CHAMP1: variants seen among roughly 807,000 people sequenced by gnomAD.
CHAMP1 encodes the protein chromosome alignment-maintaining phosphoprotein 1.
CHAMP1 carries 4 observed loss-of-function variants against 54.5 expected under a neutral mutation model. The ratio of observed to expected loss-of-function variants is 0.07; its 90% CI spans 0.04 to 0.17. CHAMP1 has a LOEUF of 0.17. Ranked by LOEUF, CHAMP1 falls within the 10% of genes least tolerant of loss-of-function variation. CHAMP1 has a pLI of 1.00. For missense variants in CHAMP1, 994 were observed against 968.6 expected (o/e 1.03, Z -0.35); for synonymous variants, 368 against 342.2 (o/e 1.08, Z -0.83).
chr13:114,324,402 C>T lies in CHAMP1; in HGVS notation c.560C>T (p.Pro187Leu). Residue 187 changes from proline (P) to leucine (L), a missense_variant, in exon 3 of 3, where the codon CCT (proline) becomes CTT (leucine). Around this residue, in one of 3 missense-constraint regions of CHAMP1, gnomAD observed 851 missense variants for 701.3 expected, o/e 1.21. Transcript: ENST00000361283. ...SKPASVSSPE[P>L]PKSVPVCESQ... ...CCTGCCTCTGTTTCTTCTCCTGAACCTCCAAAATCAGTCCCTGTTTGTGAG... is the reference window on the plus strand; with the variant it reads ...CCTGCCTCTGTTTCTTCTCCTGAACTTCCAAAATCAGTCCCTGTTTGTGAG... 1 of 1,614,180 alleles carries T rather than the reference C, an allele frequency of 6.2e-7. No individual in the cohort carries two copies. Among genetic ancestry groups the T allele is most frequent in the Non-Finnish European group, 8.5e-7 (1 of 1,180,030 alleles).
At chr13:114,317,136 G>A (rs554495855) in intron 1 of CHAMP1, among the ~76,000 whole-genome samples, 5 of 152,158 alleles carry the variant, frequency 3.3e-5, no homozygotes, top group African/African-American at 1.2e-4. Context: ...TCCTGCCTCA[G>A]CCTCCCAGGT....
chr13:114,326,482 A>C lies in CHAMP1; in HGVS notation c.*201A>C, dbSNP rs1366670795. 1.9e-6 allele frequency: 1 copy of C among 538,676 alleles called. No individual in the cohort carries two copies. The highest frequency in any genetic ancestry group is 5.0e-4 in the Middle Eastern group (1 of 1,996). The allele number at this position is 538,676 out of a possible 1,614,324, so 33.4% of individuals were successfully genotyped here. A position where few individuals can be genotyped will look rare whatever the true frequency, so the allele number is the denominator to read the frequency against. ...TATGTGACTATCTTGTAAGTCAATA[A>C]ATTTCTGTATAGTCCAGATGGATTA... is the stretch of plus-strand genomic sequence containing the variant. On this transcript the variant is annotated 3_prime_UTR_variant, in exon 3 of 3. Transcript: ENST00000361283.
chr13:114,317,715 T>C (rs1024353673), intron 1 of CHAMP1, among the ~76,000 whole-genome samples: 13 of 152,290 alleles, frequency 8.5e-5, no homozygotes, highest in African/African-American at 2.2e-4. Flanking sequence ...GTTCTACTTA[T>C]TGAATTTTAA....
chr13:114,315,396 A>C (rs1484960911), intron 1 of CHAMP1, among the ~76,000 whole-genome samples: 2 of 152,176 alleles, frequency 1.3e-5, no homozygotes, highest in Non-Finnish European at 2.9e-5. Context: ...CCAAAAATTG[A>C]CAGCAGAGAC....
intron 1 of CHAMP1, among the ~76,000 whole-genome samples, chr13:114,319,556 T>C (rs2087142960): frequency 6.6e-6 from 1 of 152,184 alleles, no homozygotes. Flanking sequence ...ACCAGTACAG[T>C]TGACTCATGA....
chr13:114,324,701 C>T lies in CHAMP1; in HGVS notation c.859C>T (p.Pro287Ser), dbSNP rs1555379564. Residue 287 changes from proline to serine, a missense_variant, in exon 3 of 3, where the codon CCT becomes TCT. By Grantham distance (74) the Pro-to-Ser change is moderately conservative. This residue lies in a region of CHAMP1 where 851 missense variants were observed against 701.3 expected (regional missense o/e 1.21). Coordinates refer to ENST00000361283, the MANE Select transcript of CHAMP1 (RefSeq NM_032436.4). ...AAGGAAGCCATCCCCTTCAGAGTCTCCTGAACCTTGGAAGCCGTTCCCTGC... is the reference window on the plus strand; with the variant it reads ...AAGGAAGCCATCCCCTTCAGAGTCTTCTGAACCTTGGAAGCCGTTCCCTGC... The part of the protein sequence containing the change: ...EPRKPSPSES[P>S]EPWKPFPAVS... 2 of 1,613,808 alleles carry T rather than the reference C, an allele frequency of 1.2e-6. No homozygotes were observed. The highest frequency in any genetic ancestry group is 1.3e-5 in the African/African-American group (1 of 74,986).
Position 114,324,060 on chromosome 13 carries a change from T to G in CHAMP1, c.218T>G (p.Met73Arg). The G allele has an allele frequency of 6.2e-7, 1 of 1,614,230 alleles. No individual in the cohort carries two copies. The change falls in exon 3 of 3, where the codon ATG becomes AGG. Residue 73 changes from methionine (M) to arginine (R), a missense_variant. This residue lies in a region of CHAMP1 where 84 missense variants were observed against 120.7 expected (regional missense o/e 0.70). Transcript: ENST00000361283. ...HCHKCFFTSK[M>R]YSNVYYHITS... The stretch of plus-strand genomic sequence containing the variant: ...CATAAATGCTTCTTCACCAGCAAGA[T>G]GTACTCTAATGTATACTATCACATC...
rs148053905 is a variant in CHAMP1, at chr13:114,324,485, C to G, written c.643C>G (p.Pro215Ala). 6.2e-7 allele frequency: 1 copy of G among 1,614,226 alleles called. No individual in the cohort carries two copies. Among genetic ancestry groups the G allele is most frequent in the Non-Finnish European group, 8.5e-7 (1 of 1,180,044 alleles). ...PEPQKPAPVS[P>A]ESVKATLSNP... ...ACCACAGAAACCTGCCCCTGTATCT[C>G]CTGAGTCAGTAAAGGCTACTCTTAG... Residue 215 changes from proline (P) to alanine (A), a missense_variant, in exon 3 of 3, where the codon CCT becomes GCT. Physicochemically the swap from Pro to Ala is conservative, Grantham distance 27 (BLOSUM62 -1). Around this residue, in one of 3 missense-constraint regions of CHAMP1, gnomAD observed 851 missense variants for 701.3 expected, o/e 1.21. Coordinates refer to ENST00000361283, the MANE Select transcript of CHAMP1 (RefSeq NM_032436.4).
chr13:114,325,736 A>G lies in CHAMP1; in HGVS notation c.1894A>G (p.Ser632Gly). 6.2e-7 allele frequency: 1 copy of G among 1,614,214 alleles called. No individual in the cohort carries two copies. Among genetic ancestry groups the G allele is most frequent in the Non-Finnish European group, 8.5e-7 (1 of 1,180,026 alleles). The change falls in exon 3 of 3, where the codon AGT (serine) becomes GGT (glycine). Residue 632 changes from serine (S) to glycine (G), a missense_variant. This residue lies in a region of CHAMP1 where 851 missense variants were observed against 701.3 expected (regional missense o/e 1.21). Transcript: ENST00000361283. ...DNQESSDAEL[S>G]SSEYIKTDLD... The stretch of plus-strand genomic sequence containing the variant: ...CCAAGAGAGCTCAGACGCTGAGCTT[A>G]GTAGTAGTGAGTACATAAAAACAGA...
chr13:114,322,312 C>G (rs2087184195), intron 2 of CHAMP1: 2 of 152,146 alleles, frequency 1.3e-5, no homozygotes, highest in African/African-American at 4.8e-5. Flanking sequence ...GCTGAGATTA[C>G]AGGCATGAGC....
intron 1 of CHAMP1, 27 bp downstream of exon 1, chr13:114,314,670 G>C (rs567964624): frequency 2.2e-4 from 33 of 152,326 alleles, no homozygotes; most frequent in African/African-American, 4.8e-4. Context: ...AGCGGGGGAG[G>C]GGCGTGGTTG....
intron 1 of CHAMP1, among the ~76,000 whole-genome samples, chr13:114,318,666 G>A (rs1054819415): frequency 6.6e-6 from 1 of 151,850 alleles, no homozygotes; most frequent in Non-Finnish European, 1.5e-5. Context: ...ACCTGACAAA[G>A]GAACTCGTTC....
Position 114,326,577 on chromosome 13 carries a change from G to T in CHAMP1, c.*296G>T. ...AGTAGGCATTCCATTTAATAATCAA[G>T]AGCAAGTTGTACTCAAAGCATTCAG... On this transcript the variant is annotated 3_prime_UTR_variant, in exon 3 of 3. Coordinates refer to ENST00000361283, the MANE Select transcript of CHAMP1 (RefSeq NM_032436.4). The T allele has an allele frequency of 3.9e-6, 1 of 253,422 alleles. No homozygotes were observed. 15.7% of individuals were successfully genotyped at this position (253,422 alleles called of 1,614,324 possible).
In CHAMP1 at chr13:114,324,733, C is replaced by CCCAGAGCCTAGGAGA. The variant is rs782372333; in HGVS notation, c.896_910dup (p.Glu299_Pro303dup). 9 of 1,613,966 alleles carry CCCAGAGCCTAGGAGA rather than the reference C, an allele frequency of 5.6e-6. No homozygotes were observed. Among genetic ancestry groups the CCCAGAGCCTAGGAGA allele is most frequent in the Non-Finnish European group, 7.6e-6 (9 of 1,179,896 alleles). On this transcript the variant is annotated inframe_insertion, in exon 3 of 3. Coordinates refer to ENST00000361283, the MANE Select transcript of CHAMP1 (RefSeq NM_032436.4). ...CTTGGAAGCCGTTCCCTGCTGTCTC[C>CCCAGAGCCTAGGAGA]CCAGAGCCTAGGAGACCAGCCCCCG...
chr13:114,320,481 T>C (rs976984778), intron 1 of CHAMP1, among the ~76,000 whole-genome samples: 3 of 152,296 alleles, frequency 2.0e-5, no homozygotes, highest in South Asian at 4.1e-4. Context: ...GCCATTGTTA[T>C]AGTCAGTAGT....
In CHAMP1 at chr13:114,327,035, A is replaced by G. The variant is rs536589680; in HGVS notation, c.*754A>G. ...CCCCACCCACCGCCTGCCAGCTCAC[A>G]CTAATAGATGATTCTTAATTGCCAA... On this transcript the variant is annotated 3_prime_UTR_variant, in exon 3 of 3. Transcript: ENST00000361283. 2.4e-5 allele frequency: 3 copies of G among 124,766 alleles called. No individual in the cohort carries two copies. The South Asian group carries it at 1.0e-3, about 42-fold the overall frequency. 7.7% of individuals were successfully genotyped at this position (124,766 alleles called of 1,614,324 possible). A position where few individuals can be genotyped will look rare whatever the true frequency, so the allele number is the denominator to read the frequency against.
At position 114,324,105 on chromosome 13, in the gene CHAMP1, C is replaced by T. The variant is rs143111151; in HGVS notation, c.263C>T (p.Pro88Leu). Residue 88 changes from proline (P) to leucine (L), a missense_variant, in exon 3 of 3, where the codon CCA becomes CTA. By Grantham distance (98) the Pro-to-Leu change is moderately conservative (BLOSUM62 -3). Coordinates refer to ENST00000361283, the MANE Select transcript of CHAMP1 (RefSeq NM_032436.4). The stretch of plus-strand genomic sequence containing the variant: ...CACATCACATCCAAACATGCATCCC[C>T]AGACAAATGGAATGATAAACCAAAA... ...YYHITSKHAS[P>L]DKWNDKPKNQ... is the part of the protein sequence containing the mutation. 12 of 1,614,074 alleles carry T rather than the reference C, an allele frequency of 7.4e-6. No individual in the cohort carries two copies. The highest frequency in any genetic ancestry group is 5.3e-5 in the African/African-American group (4 of 74,912).
At position 114,324,836 on chromosome 13, in the gene CHAMP1, G is replaced by C. The variant is rs1279613696; in HGVS notation, c.994G>C (p.Gly332Arg). The change falls in exon 3 of 3, where the codon GGA (glycine) becomes CGA (arginine). Residue 332 changes from glycine to arginine, a missense_variant. Transcript: ENST00000361283. ...PWKSNPSASS[G>R]PWKPAKPAPS... ...GAAATCCAATCCTTCAGCATCATCA[G>C]GACCTTGGAAGCCAGCTAAACCTGC... is the stretch of plus-strand genomic sequence containing the variant. 1 of 1,614,132 alleles carries C rather than the reference G, an allele frequency of 6.2e-7. No individual in the cohort carries two copies. The highest frequency in any genetic ancestry group is 1.7e-5 in the Admixed American group (1 of 60,016).
At position 114,324,523 on chromosome 13, in the gene CHAMP1, C is replaced by T. The variant is rs928746655; in HGVS notation, c.681C>T (p.Pro227=). The change falls in exon 3 of 3, where the codon CCC becomes CCT. Residue 227 remains proline (P), a synonymous_variant. Coordinates refer to ENST00000361283, the MANE Select transcript of CHAMP1 (RefSeq NM_032436.4). ...AGGCTACTCTTAGTAATCCCAAACC[C>T]CAGAAGCAGTCTCATTTCCCGGAAA... The part of the protein sequence containing the change: ...SVKATLSNPK[P]QKQSHFPETL... 3 of 1,614,106 alleles carry T rather than the reference C, an allele frequency of 1.9e-6. No individual in the cohort carries two copies. The highest frequency in any genetic ancestry group is 8.5e-7 in the Non-Finnish European group (1 of 1,180,018).
Sources: allele counts gnomAD v4.1 joint callset (sites outside exome capture counted in the v4.1 genomes callset), GRCh38; gene constraint gnomAD v4.1.1; regional missense constraint gnomAD v4.1.1; transcripts MANE v1.5; gene names NCBI Gene and HGNC (gene_info 2026-07-23, HGNC 2026-07-21).